Variants in MICAL3 observed in about 807,000 individuals in gnomAD.
MICAL3 encodes microtubule associated monooxygenase, calponin and LIM domain containing 3.
MICAL3 carries 62 observed loss-of-function variants against 207.4 expected under a neutral mutation model. The ratio of observed to expected loss-of-function variants is 0.30; its 90% CI spans 0.24 to 0.37. MICAL3 has a LOEUF of 0.37. Among genes scored for constraint, MICAL3 ranks in the 10% least tolerant of loss-of-function variants. The pLI is 1.00. For missense variants in MICAL3, 2,368 were observed against 2,635.6 expected, an observed-to-expected ratio of 0.90 and a Z score of 2.22; for synonymous variants, 1,077 against 1,069.3, an observed-to-expected ratio of 1.01 and a Z score of -0.14.
intron 1 of MICAL3, among the ~76,000 whole-genome samples, chr22:17,964,180 G>A (rs1329247365): frequency 4.6e-5 from 7 of 152,106 alleles, no homozygotes. Context: ...CAAGAATGAA[G>A]AAAAGAGCCA....
At chr22:17,868,655 A>G (rs1356762468) in intron 17 of MICAL3, among the ~76,000 whole-genome samples, 1 of 152,138 alleles carries the variant, frequency 6.6e-6, no homozygotes, top group Non-Finnish European at 1.5e-5. Context: ...ACTGATTCTC[A>G]ATGGTCCAAA....
chr22:17,826,269 G>GC (rs1922174752), intron 22 of MICAL3, among the ~76,000 whole-genome samples: 1 of 136,042 alleles, frequency 7.4e-6, no homozygotes. Flanking sequence ...CTGCCCTGAA[G>GC]GGGGGGTGTG....
chr22:17,844,265 G>A (rs550485135), intron 19 of MICAL3, among the ~76,000 whole-genome samples: 44 of 152,300 alleles, frequency 2.9e-4, no homozygotes, highest in Non-Finnish European at 5.7e-4. Flanking sequence ...TAAGCTCTAG[G>A]AGACAACGCT....
intron 12 of MICAL3, 144 bp from the exon 13 acceptor site, chr22:17,889,374 T>C (rs1449409871): frequency 1.9e-6 from 1 of 540,504 alleles, no homozygotes; most frequent in Non-Finnish European, 3.2e-6. Flanking sequence ...AGCAAACCTG[T>C]CTTATCTCAC....
intron 19 of MICAL3, 132 bp downstream of exon 19, chr22:17,864,767 C>T: frequency 6.2e-7 from 1 of 1,613,918 alleles, no homozygotes; most frequent in Non-Finnish European, 8.5e-7. Flanking sequence ...AAAAAGGAGT[C>T]CAGAGGGTTT....
chr22:17,879,377 T>C, intron 16 of MICAL3: 1 of 1,612,534 alleles, frequency 6.2e-7, no homozygotes, highest in Non-Finnish European at 8.5e-7. Context: ...CTTGCCACGG[T>C]TGTCAGCATC....
intron 19 of MICAL3, chr22:17,863,326 A>C: frequency 1.0e-6 from 1 of 985,322 alleles, no homozygotes; most frequent in Non-Finnish European, 1.2e-6. Flanking sequence ...CAGAAAATCC[A>C]TCTCTGATGA....
chr22:17,827,860 G>A, intron 21 of MICAL3, 79 bp from the exon 22 acceptor site: 1 of 1,454,276 alleles, frequency 6.9e-7, no homozygotes, highest in Non-Finnish European at 9.2e-7. Context: ...GAAACAGAAA[G>A]AGAAGTTACA....
At chr22:17,976,515 ATGTATATATG>A (rs1935635275) in intron 1 of MICAL3, among the ~76,000 whole-genome samples, 1 of 146,944 alleles carries the variant, frequency 6.8e-6, no homozygotes, top group Non-Finnish European at 1.5e-5. Context: ...TAAAATATAC[ATGTATATATG>A]TGTATATATA....
At chr22:17,811,822 G>C (rs2062051289) in intron 27 of MICAL3, among the ~76,000 whole-genome samples, 1 of 152,200 alleles carries the variant, frequency 6.6e-6, no homozygotes, top group Admixed American at 6.5e-5. Flanking sequence ...ATGGCTCACT[G>C]CAGCTTCAAA....
intron 1 of MICAL3, among the ~76,000 whole-genome samples, chr22:18,008,554 T>G (rs1030300212): frequency 6.6e-6 from 1 of 152,140 alleles, no homozygotes. Context: ...GGCTCCATGT[T>G]CTTGCCCCTC....
intron 19 of MICAL3, among the ~76,000 whole-genome samples, chr22:17,846,789 C>A (rs1266149417): frequency 6.6e-6 from 1 of 152,234 alleles, no homozygotes. Flanking sequence ...AAGGCCAAGT[C>A]TTCACTAAGT....
At chr22:17,890,398 C>T (rs367942896) in intron 12 of MICAL3, among the ~76,000 whole-genome samples, 2 of 152,278 alleles carry the variant, frequency 1.3e-5, no homozygotes, top group African/African-American at 4.8e-5. Context: ...CCCTTTGGAA[C>T]AGAGCTGACT....
intron 21 of MICAL3, among the ~76,000 whole-genome samples, chr22:17,830,425 C>T (rs1051808712): frequency 4.6e-5 from 7 of 152,192 alleles, no homozygotes; most frequent in African/African-American, 1.7e-4. Flanking sequence ...ATTAAGTCTG[C>T]GTGAAGGAAA....
chr22:18,010,663 G>A (rs914256737), intron 1 of MICAL3, among the ~76,000 whole-genome samples: 1 of 152,152 alleles, frequency 6.6e-6, no homozygotes, highest in African/African-American at 2.4e-5. Context: ...CAGAAAAGGA[G>A]CAGAGTTCCT....
intron 29 of MICAL3, among the ~76,000 whole-genome samples, chr22:17,799,163 A>T (rs1030058251): frequency 2.6e-5 from 4 of 152,174 alleles, no homozygotes; most frequent in South Asian, 2.1e-4. Context: ...CAGGTGGATC[A>T]CTTGAGGTCT....
At chr22:17,813,928 C>T (rs1213091012) in intron 27 of MICAL3, 1 of 152,216 alleles carries the variant, frequency 6.6e-6, no homozygotes, top group Non-Finnish European at 1.5e-5. Flanking sequence ...CAAGTTCTCT[C>T]TTGTAGGTCG....
chr22:17,907,242 G>A (rs991591184), intron 1 of MICAL3, among the ~76,000 whole-genome samples: 1 of 152,210 alleles, frequency 6.6e-6, no homozygotes, highest in Non-Finnish European at 1.5e-5. Flanking sequence ...CACTGAAGGC[G>A]AGCCTCTGAG....
At chr22:17,955,216 T>C (rs963780915) in intron 1 of MICAL3, among the ~76,000 whole-genome samples, 1 of 152,172 alleles carries the variant, frequency 6.6e-6, no homozygotes. Flanking sequence ...TCCTTTCTCC[T>C]GCTTCACTCC....
Sources: gnomAD v4.1 joint callset for allele counts (sites outside exome capture counted in the v4.1 genomes callset) on GRCh38, gnomAD v4.1.1 for gene constraint, MANE v1.5 for transcripts, NCBI Gene and HGNC (gene_info 2026-07-23, HGNC 2026-07-21) for gene names.